TDRD3: variants seen among roughly 807,000 people sequenced by gnomAD.
TDRD3 encodes the protein tudor domain containing 3, also known as tudor domain-containing protein 3.
A neutral mutation model predicts 86.7 loss-of-function variants in TDRD3; 45 were observed. The observed-to-expected ratio is 0.52, with a 90% CI of 0.41 to 0.67. The LOEUF (loss-of-function observed/expected upper bound fraction) is 0.67, where lower values mean the gene tolerates loss of function less well. TDRD3 is among the 30% of genes least tolerant of loss of function. The pLI, the probability that TDRD3 is intolerant of heterozygous loss-of-function variation, is 0.00. For synonymous variants in TDRD3, 298 were observed against 301.7 expected, an observed-to-expected ratio of 0.99 and a Z score of 0.13; for missense variants, 814 against 889.0, an observed-to-expected ratio of 0.92 and a Z score of 1.07.
At position 60,528,554 on chromosome 13, in the gene TDRD3, T is replaced by G. The variant is rs772921934; in HGVS notation, c.1329T>G (p.Ser443Arg). 36 of 1,613,900 alleles carry G rather than the reference T, an allele frequency of 2.2e-5. No individual in the cohort carries two copies. In the South Asian group the frequency reaches 3.6e-4, roughly 16 times the overall value. The change falls in exon 11 of 14, where the codon AGT becomes AGG. Residue 443 changes from serine to arginine, a missense_variant. Transcript: ENST00000377881. ...ATTCAAAGTCAGTTTTAGAAGGCAG[T>G]GGATTACCTAGAAATAGAGGTTCTG... is the stretch of plus-strand genomic sequence containing the variant. ...SQNSKSVLEG[S>R]GLPRNRGSER...
chr13:60,448,738 G>A (rs1955464589), intron 3 of TDRD3, among the ~76,000 whole-genome samples: 1 of 152,108 alleles, frequency 6.6e-6, no homozygotes, highest in African/African-American at 2.4e-5. Context: ...TAGGACTGCT[G>A]TAGCAGCTTG....
At chr13:60,402,691 CTTTTTTTTTT>C (rs35984156) in intron 1 of TDRD3, among the ~76,000 whole-genome samples, 1 of 73,272 alleles carries the variant, frequency 1.4e-5, no homozygotes, top group Non-Finnish European at 2.5e-5. Context: ...AAACCAATTG[CTTTTTTTTTT>C]TTTTTTTTTT....
At chr13:60,418,585 T>C (rs1413570538) in intron 1 of TDRD3, among the ~76,000 whole-genome samples, 1 of 152,176 alleles carries the variant, frequency 6.6e-6, no homozygotes, top group East Asian at 1.9e-4. Context: ...GGACTTGTCT[T>C]TTTAAATTGC....
chr13:60,571,275 A>G (rs1054802810), intron 13 of TDRD3, among the ~76,000 whole-genome samples: 2 of 152,348 alleles, frequency 1.3e-5, no homozygotes, highest in African/African-American at 4.8e-5. Flanking sequence ...TTGACATACT[A>G]TCTTTGAATG....
intron 1 of TDRD3, among the ~76,000 whole-genome samples, chr13:60,424,303 G>A (rs914720689): frequency 7.1e-6 from 1 of 140,086 alleles, no homozygotes; most frequent in East Asian, 2.0e-4. Context: ...TTACAGGCGT[G>A]AGCCACCGCC....
chr13:60,458,096 A>C (rs980843961), intron 3 of TDRD3, among the ~76,000 whole-genome samples: 10 of 152,206 alleles, frequency 6.6e-5, no homozygotes, highest in African/African-American at 2.2e-4. Context: ...TAATTAAATA[A>C]GTAAACTTGC....
chr13:60,523,979 T>C (rs1957348113), intron 10 of TDRD3, among the ~76,000 whole-genome samples: 1 of 152,056 alleles, frequency 6.6e-6, no homozygotes, highest in Non-Finnish European at 1.5e-5. Flanking sequence ...TTCCACCTTT[T>C]CCTTTGGGGT....
intron 10 of TDRD3, among the ~76,000 whole-genome samples, chr13:60,525,115 C>A (rs1163973725): frequency 3.8e-5 from 5 of 131,534 alleles, no homozygotes; most frequent in South Asian, 2.4e-4. Context: ...AAAAACCCCA[C>A]AATTTTCACT....
At position 60,471,284 on chromosome 13, in the gene TDRD3, C is replaced by A. The variant is rs558393966; in HGVS notation, c.495+3905C>A. On this transcript the variant is annotated intron_variant, in intron 5 of 13. Transcript: ENST00000377881. ...TGAATATCCAGTTTTCCCAGCACTA[C>A]TTTTTGAAAATAGTGTTCTTAATGA... 1.8e-4 allele frequency among the ~76,000 whole-genome samples: 28 copies of A among 152,244 alleles called. 1 individual carries two copies. Among genetic ancestry groups the A allele is most frequent in the African/African-American group, 6.7e-4 (28 of 41,548 alleles).
chr13:60,467,219 A>G lies in TDRD3; in HGVS notation c.354-19A>G, dbSNP rs759157467. ...TTCTCAGCTTCAATATGTTTTTAAC[A>G]CTTTTCTCTTTGCTTTAGCCTGAAC... is the stretch of plus-strand genomic sequence containing the variant. On this transcript the variant is annotated intron_variant, in intron 4 of 13. Transcript: ENST00000377881. The G allele has an allele frequency of 5.0e-6, 8 of 1,611,894 alleles. No homozygotes were observed. Among genetic ancestry groups the G allele is most frequent in the East Asian group, 2.2e-5 (1 of 44,844 alleles).
intron 12 of TDRD3, among the ~76,000 whole-genome samples, chr13:60,539,272 C>G (rs975928300): frequency 2.0e-5 from 3 of 152,006 alleles, no homozygotes; most frequent in Admixed American, 6.6e-5. Flanking sequence ...CTATAAAACA[C>G]AAAAATCCCT....
At chr13:60,400,826 A>C (rs1008751627) in intron 1 of TDRD3, among the ~76,000 whole-genome samples, 1 of 152,244 alleles carries the variant, frequency 6.6e-6, no homozygotes, top group Admixed American at 6.5e-5. Flanking sequence ...AAGCACAGAG[A>C]GTTTCAATAA....
intron 11 of TDRD3, among the ~76,000 whole-genome samples, chr13:60,533,804 C>A (rs143498762): frequency 1.3e-5 from 2 of 152,292 alleles, no homozygotes; most frequent in East Asian, 3.9e-4. Context: ...ATGGGATGAT[C>A]TGTACTGAAA....
rs146639278 is a variant in TDRD3, at chr13:60,516,907, A to G, written c.1141+6152A>G. On this transcript the variant is annotated intron_variant, in intron 10 of 13. Transcript: ENST00000377881. ...GACCTTTCAAACCACAAATTTGATC[A>G]CACTACCTGCTGGCTTAAAATGCTC... 1.1e-3 allele frequency among the ~76,000 whole-genome samples: 164 copies of G among 152,318 alleles called. 1 individual carries two copies. The highest frequency in any genetic ancestry group is 3.7e-3 in the African/African-American group (155 of 41,588).
At chr13:60,467,126 T>A in intron 4 of TDRD3, 112 bp from the exon 5 acceptor site, 1 of 1,273,578 alleles carries the variant, frequency 7.9e-7, no homozygotes, top group Non-Finnish European at 1.1e-6. Flanking sequence ...TTCCTAATGC[T>A]CTCCCTCCCA....
chr13:60,495,570 T>C (rs972404733), intron 8 of TDRD3, among the ~76,000 whole-genome samples: 6 of 152,168 alleles, frequency 3.9e-5, no homozygotes, highest in Admixed American at 2.0e-4. Context: ...TTCAAGTGAT[T>C]CTCCTCTCTC....
At chr13:60,513,161 G>A (rs1253848227) in intron 10 of TDRD3, among the ~76,000 whole-genome samples, 4 of 152,202 alleles carry the variant, frequency 2.6e-5, no homozygotes, top group African/African-American at 7.2e-5. Flanking sequence ...AAGGCTTGAG[G>A]CATGCACCAT....
rs545952242 is a variant in TDRD3 at position 60,530,589 on chromosome 13, C to T, written c.1992+1372C>T. ...CTGAGTAGCTGGGACTACAGAAATGCGCTACCATGCCCAGCTAATTTTTTG... is the reference window on the plus strand; with the variant it reads ...CTGAGTAGCTGGGACTACAGAAATGTGCTACCATGCCCAGCTAATTTTTTG... On this transcript the variant is annotated intron_variant, in intron 11 of 13. Coordinates refer to ENST00000377881, the MANE Select transcript of TDRD3 (RefSeq NM_001146070.2). Among the ~76,000 whole-genome samples the T allele has an allele frequency of 1.1e-4, 16 of 151,414 alleles. No individual in the cohort carries two copies. The South Asian group carries it at 1.5e-3, about 14-fold the overall frequency.
At chr13:60,423,726 G>T (rs893242857) in intron 1 of TDRD3, among the ~76,000 whole-genome samples, 3 of 151,998 alleles carry the variant, frequency 2.0e-5, no homozygotes, top group Non-Finnish European at 4.4e-5. Context: ...ACAATTAAGT[G>T]TATTTAATTG....
Sources: allele counts gnomAD v4.1 joint callset (sites outside exome capture counted in the v4.1 genomes callset), GRCh38; gene constraint gnomAD v4.1.1; transcripts MANE v1.5; gene names NCBI Gene and HGNC (gene_info 2026-07-23, HGNC 2026-07-21).